The following MYBL1 variants were observed in gnomAD, a reference collection of about 807,000 sequenced individuals.
MYBL1 encodes MYB proto-oncogene like 1, also known as myb-related protein A.
A neutral mutation model predicts 96.3 loss-of-function variants in MYBL1; 17 were observed. The ratio of observed to expected loss-of-function variants is 0.18; its 90% confidence interval spans 0.12 to 0.26. The LOEUF is 0.26. Among genes scored for constraint, MYBL1 ranks in the 10% least tolerant of loss-of-function variants. The pLI, the probability that MYBL1 is intolerant of heterozygous loss-of-function variation, is 1.00. For missense variants in MYBL1, 701 were observed against 882.9 expected (o/e 0.79, Z 2.61); for synonymous variants, 282 against 292.7 (o/e 0.96, Z 0.37).
chr8:66,594,378 ATTCTT>A (rs1170769789), intron 6 of MYBL1, among the ~76,000 whole-genome samples: 1 of 152,084 alleles, frequency 6.6e-6, no homozygotes, highest in Non-Finnish European at 1.5e-5. Context: ...AAACCCATCT[ATTCTT>A]TTATCAAGTC....
intron 9 of MYBL1, among the ~76,000 whole-genome samples, chr8:66,579,091 G>C (rs1286736130): frequency 6.6e-6 from 1 of 151,886 alleles, no homozygotes; most frequent in South Asian, 2.1e-4. Context: ...GGGATGGGGG[G>C]AGTGGGGAGG....
chr8:66,578,116 C>T (rs1221896105), intron 9 of MYBL1, among the ~76,000 whole-genome samples: 2 of 151,938 alleles, frequency 1.3e-5, no homozygotes, highest in African/African-American at 4.8e-5. Flanking sequence ...AGACCTAAAA[C>T]CATAAAAACC....
At chr8:66,602,699 CTATATATATATATATA>C (rs67236935) in intron 1 of MYBL1, among the ~76,000 whole-genome samples, 176 bp from the exon 2 acceptor site, 17 of 27,270 alleles carry the variant, frequency 6.2e-4, no homozygotes, top group African/African-American at 2.1e-3. Context: ...TGGGGTGGAG[CTATATATATATATATA>C]TATATATATA....
rs763579714 is a variant in MYBL1, at chr8:66,612,846, G to A, written c.-8C>T. 2 of 1,376,736 alleles carry A rather than the reference G, an allele frequency of 1.5e-6. No homozygotes were observed. Among genetic ancestry groups the A allele is most frequent in the East Asian group, 2.8e-5 (1 of 36,150 alleles). The allele number at this position is 1,376,736 out of a possible 1,614,324, so 85.3% of individuals were successfully genotyped here. A position where few individuals can be genotyped will look rare whatever the true frequency, so the allele number is the denominator to read the frequency against. ...GCGCGACCTCTTCGCCATCCTTCAA[G>A]TACCGCATAGGAGCAGGCTGGGCGG... On this transcript the variant is annotated 5_prime_UTR_variant, in exon 1 of 16. Transcript: ENST00000522677.
At chr8:66,592,986 A>C in intron 7 of MYBL1, 134 bp downstream of exon 7, 1 of 561,942 alleles carries the variant, frequency 1.8e-6, no homozygotes, top group East Asian at 3.0e-5. Flanking sequence ...TCTTCTTTAT[A>C]GTTAGAGTAC....
At chr8:66,608,830 G>A (rs1046831738) in intron 1 of MYBL1, among the ~76,000 whole-genome samples, 2 of 152,046 alleles carry the variant, frequency 1.3e-5, no homozygotes, top group Non-Finnish European at 2.9e-5. Context: ...CTAGAAGACA[G>A]CAAAATAAAG....
intron 15 of MYBL1, chr8:66,565,342 T>C (rs1018733113): frequency 5.9e-5 from 9 of 152,266 alleles, no homozygotes; most frequent in African/African-American, 1.9e-4. Flanking sequence ...AAAAGTTCTA[T>C]GTTAATTAAA....
chr8:66,605,246 G>A (rs1810266819), intron 1 of MYBL1, among the ~76,000 whole-genome samples: 1 of 152,164 alleles, frequency 6.6e-6, no homozygotes, highest in South Asian at 2.1e-4. Context: ...ACTAGCCACA[G>A]TTCAAGAGCT....
At chr8:66,601,412 C>T (rs964540806) in intron 3 of MYBL1, among the ~76,000 whole-genome samples, 3 of 151,750 alleles carry the variant, frequency 2.0e-5, no homozygotes, top group Non-Finnish European at 4.4e-5. Flanking sequence ...AATGTTTTAA[C>T]GTGTATTAGC....
chr8:66,576,999 C>T lies in MYBL1; in HGVS notation c.1102-624G>A, dbSNP rs563807614. Among the ~76,000 whole-genome samples the T allele has an allele frequency of 3.9e-5, 6 of 152,178 alleles. No homozygotes were observed. The South Asian group carries it at 6.2e-4, about 16-fold the overall frequency. Reference sequence around the variant, plus strand: ...AACCACATGATTATCTCAATAGATGCGGAAAAGGCCTTTGACAAAATTCAA... The same window carrying T: ...AACCACATGATTATCTCAATAGATGTGGAAAAGGCCTTTGACAAAATTCAA... On this transcript the variant is annotated intron_variant, in intron 9 of 15. Coordinates refer to ENST00000522677, the MANE Select transcript of MYBL1 (RefSeq NM_001080416.4).
At chr8:66,588,030 TTAAAG>T (rs1210396366) in intron 8 of MYBL1, among the ~76,000 whole-genome samples, 2 of 152,138 alleles carry the variant, frequency 1.3e-5, no homozygotes, top group African/African-American at 2.4e-5. Flanking sequence ...ATAAAAGAAA[TTAAAG>T]TAATCTTATT....
At chr8:66,592,276 G>GAAAAAA (rs1809678424) in intron 8 of MYBL1, among the ~76,000 whole-genome samples, 164 bp downstream of exon 8, 1 of 150,282 alleles carries the variant, frequency 6.7e-6, no homozygotes, top group Non-Finnish European at 1.5e-5. Context: ...AAAAGAAAAA[G>GAAAAAA]AAAAAAACAG....
intron 10 of MYBL1, among the ~76,000 whole-genome samples, chr8:66,573,730 A>G (rs1308796002): frequency 6.6e-6 from 1 of 152,190 alleles, no homozygotes; most frequent in Non-Finnish European, 1.5e-5. Context: ...TTTAGCACAT[A>G]TAGGAATTCA....
At chr8:66,608,101 T>C (rs1480989137) in intron 1 of MYBL1, among the ~76,000 whole-genome samples, 1 of 152,222 alleles carries the variant, frequency 6.6e-6, no homozygotes, top group East Asian at 1.9e-4. Context: ...TTTAAGGATA[T>C]GAGTACAAAA....
intron 5 of MYBL1, among the ~76,000 whole-genome samples, chr8:66,596,201 A>G (rs140311523): frequency 0.011 from 1,632 of 152,314 alleles, 8 homozygotes; most frequent in Middle Eastern, 0.02. Flanking sequence ...AAAAAAGAGC[A>G]TTCCAGATAA....
intron 12 of MYBL1, among the ~76,000 whole-genome samples, chr8:66,568,544 T>G (rs1355255675): frequency 6.6e-6 from 1 of 151,926 alleles, no homozygotes; most frequent in Non-Finnish European, 1.5e-5. Context: ...AGGAGGTGAT[T>G]TGCCCACCTC....
In MYBL1 at chr8:66,588,912, C is replaced by T. The variant is rs186217718; in HGVS notation, c.867+3528G>A. ...GCACATGCCTGTAATCTCAGCTACT[C>T]AGGAGGCTGAAGCAGGAGAATCGCT... On this transcript the variant is annotated intron_variant, in intron 8 of 15. Coordinates refer to ENST00000522677, the MANE Select transcript of MYBL1 (RefSeq NM_001080416.4). Among the ~76,000 whole-genome samples, 513 of 152,260 alleles carry T rather than the reference C, an allele frequency of 3.4e-3. 5 individuals carry two copies. The South Asian group carries it at 0.042, about 12-fold the overall frequency.
chr8:66,611,764 G>T (rs184802209), intron 1 of MYBL1, among the ~76,000 whole-genome samples: 2 of 152,146 alleles, frequency 1.3e-5, no homozygotes, highest in Admixed American at 1.3e-4. Context: ...GAAAACTAAG[G>T]AAAAAACAAT....
At position 66,563,023 on chromosome 8, in the gene MYBL1, T is replaced by A. The variant is rs761378845; in HGVS notation, c.*1674A>T. Reference sequence around the variant, plus strand: ...AAGAGCTAAGCATTAAAATACTTAGTATTTCCATTTCTATTAACATACAAA... The same window carrying A: ...AAGAGCTAAGCATTAAAATACTTAGAATTTCCATTTCTATTAACATACAAA... On this transcript the variant is annotated 3_prime_UTR_variant, in exon 16 of 16. Coordinates refer to ENST00000522677, the MANE Select transcript of MYBL1 (RefSeq NM_001080416.4). 8 of 152,266 alleles carry A rather than the reference T, an allele frequency of 5.3e-5. No individual in the cohort carries two copies. Among genetic ancestry groups the A allele is most frequent in the Admixed American group, 1.3e-4 (2 of 15,226 alleles). 9.4% of individuals were successfully genotyped at this position (152,266 alleles called of 1,614,324 possible).
Sources: allele counts gnomAD v4.1 joint callset (sites outside exome capture counted in the v4.1 genomes callset), GRCh38; gene constraint gnomAD v4.1.1; transcripts MANE v1.5; gene names NCBI Gene and HGNC (gene_info 2026-07-23, HGNC 2026-07-21).